SRD5A2: variants seen among roughly 807,000 people sequenced by gnomAD.
SRD5A2 encodes the protein steroid 5 alpha-reductase 2.
Under a neutral mutation model 27.4 loss-of-function variants are expected in SRD5A2, and 30 were observed. The observed-to-expected ratio is 1.10, with a 90% CI of 0.82 to 1.49. SRD5A2 has a LOEUF of 1.49. Among genes scored for constraint, SRD5A2 ranks in the 40% most tolerant of loss-of-function variants. The probability of loss-of-function intolerance (pLI) is 0.00; values close to 1 mark genes in which losing one functional copy is unlikely to be tolerated. For synonymous variants in SRD5A2, 141 were observed against 133.6 expected (o/e 1.06, Z -0.38); for missense variants, 348 against 323.4 (o/e 1.08, Z -0.58).
In SRD5A2 at chr2:31,523,092, G is replaced by A. The variant is rs1387222475; in HGVS notation, c.*3104C>T. The A allele has an allele frequency of 9.2e-6, 2 of 217,682 alleles. No homozygotes were observed. Among genetic ancestry groups the A allele is most frequent in the Non-Finnish European group, 1.8e-5 (2 of 108,342 alleles). 13.5% of individuals were successfully genotyped at this position (217,682 alleles called of 1,614,324 possible). On this transcript the variant is annotated 3_prime_UTR_variant, in exon 5 of 5. Coordinates refer to ENST00000622030, the MANE Select transcript of SRD5A2 (RefSeq NM_000348.4). ...CCTTTTAGAATACAGTGGAGCCACT[G>A]TTGTTCTTTATGAAAGTAAGCATTA...
intron 1 of SRD5A2, among the ~76,000 whole-genome samples, chr2:31,568,825 C>T (rs751732820): frequency 2.0e-5 from 3 of 152,222 alleles, no homozygotes; most frequent in Non-Finnish European, 4.4e-5. Context: ...TCATCAGCAC[C>T]CAAAGTCTGG....
At chr2:31,570,147 T>C (rs145492050) in intron 1 of SRD5A2, among the ~76,000 whole-genome samples, 160 of 152,140 alleles carry the variant, frequency 1.1e-3, no homozygotes, top group African/African-American at 3.8e-3. Context: ...CTGGCAAACT[T>C]AATCTGGTAG....
chr2:31,629,623 T>C, the SRD5A2 span, among the ~76,000 whole-genome samples: 2 of 152,156 alleles, frequency 1.3e-5, no homozygotes, highest in Middle Eastern at 3.4e-3. Context: ...GCTTCCACTT[T>C]CAATTTTCCT....
At chr2:31,530,484 G>C (rs1159395803) in intron 3 of SRD5A2, among the ~76,000 whole-genome samples, 1 of 152,116 alleles carries the variant, frequency 6.6e-6, no homozygotes, top group Admixed American at 6.5e-5. Context: ...ACAGTAAACG[G>C]CACATCTTAA....
the SRD5A2 span, among the ~76,000 whole-genome samples, chr2:31,660,307 G>A: frequency 6.6e-6 from 1 of 152,026 alleles, no homozygotes; most frequent in African/African-American, 2.4e-5. Flanking sequence ...TAGCTGGTGG[G>A]AATGCACTCT....
At chr2:31,558,315 G>A (rs574254912) in intron 1 of SRD5A2, among the ~76,000 whole-genome samples, 2 of 152,176 alleles carry the variant, frequency 1.3e-5, no homozygotes, top group African/African-American at 4.8e-5. Context: ...TTCCTAGGCT[G>A]CCATAACAAA....
chr2:31,602,441 A>G, the SRD5A2 span, among the ~76,000 whole-genome samples: 104 of 152,288 alleles, frequency 6.8e-4, 1 homozygote, highest in South Asian at 0.02. Flanking sequence ...TTCCACGCTC[A>G]TGGATAGGAA....
Position 31,526,258 on chromosome 2 carries a change from A to G in SRD5A2, c.703T>C (p.Tyr235His). Residue 235 changes from tyrosine (Y) to histidine (H), a missense_variant, in exon 5 of 5, where the codon TAC becomes CAC. Coordinates refer to ENST00000622030, the MANE Select transcript of SRD5A2 (RefSeq NM_000348.4). ...GLRAFHHHRF[Y>H]LKMFEDYPKS... The stretch of plus-strand genomic sequence containing the variant: ...GGGTAGTCCTCAAACATCTTGAGGT[A>G]GAACCTAAAAGACAAGAAAGGAATA... 1 of 1,571,548 alleles carries G rather than the reference A, an allele frequency of 6.4e-7. No individual in the cohort carries two copies. Among genetic ancestry groups the G allele is most frequent in the Non-Finnish European group, 8.7e-7 (1 of 1,153,232 alleles).
chr2:31,644,756 A>G, the SRD5A2 span, among the ~76,000 whole-genome samples: 1 of 152,232 alleles, frequency 6.6e-6, no homozygotes, highest in Non-Finnish European at 1.5e-5. Context: ...TTGCATCATC[A>G]TAATCCATAA....
the SRD5A2 span, among the ~76,000 whole-genome samples, chr2:31,590,760 A>C: frequency 3.9e-5 from 6 of 152,186 alleles, no homozygotes; most frequent in South Asian, 2.1e-4. Flanking sequence ...GAACAGAGCC[A>C]TCAGAAATAA....
chr2:31,642,041 G>T, the SRD5A2 span, among the ~76,000 whole-genome samples: 1 of 152,022 alleles, frequency 6.6e-6, no homozygotes, highest in Admixed American at 6.6e-5. Flanking sequence ...TGGTATTGGT[G>T]AAAAGATAGA....
At chr2:31,557,942 C>T (rs548752169) in intron 1 of SRD5A2, among the ~76,000 whole-genome samples, 47 of 152,338 alleles carry the variant, frequency 3.1e-4, no homozygotes, top group African/African-American at 1.1e-3. Flanking sequence ...TCTGATAGGA[C>T]TAGTGCTATC....
At chr2:31,624,332 TTC>T in the SRD5A2 span, among the ~76,000 whole-genome samples, 3 of 152,038 alleles carry the variant, frequency 2.0e-5, no homozygotes, top group Non-Finnish European at 4.4e-5. Flanking sequence ...TACTCATCCT[TTC>T]TGTTTTTTTA....
chr2:31,589,575 T>C, the SRD5A2 span, among the ~76,000 whole-genome samples: 6 of 152,164 alleles, frequency 3.9e-5, no homozygotes, highest in African/African-American at 1.4e-4. Flanking sequence ...GGAGGCCTTG[T>C]GCCGAGGCCT....
chr2:31,625,207 G>T, the SRD5A2 span, among the ~76,000 whole-genome samples: 11 of 152,216 alleles, frequency 7.2e-5, no homozygotes, highest in Admixed American at 7.2e-4. Context: ...TGATGGGGTT[G>T]TTTGATTTTT....
chr2:31,558,630 CTAATCCAG>C (rs780428738), intron 1 of SRD5A2, among the ~76,000 whole-genome samples: 1 of 152,142 alleles, frequency 6.6e-6, no homozygotes, highest in Non-Finnish European at 1.5e-5. Flanking sequence ...TAGAACCTAC[CTAATCCAG>C]TATGACCTCA....
Position 31,580,802 on chromosome 2 carries a change from G to A in SRD5A2, c.99C>T (p.Tyr33=), listed in dbSNP as rs370526755. The A allele has an allele frequency of 1.9e-6, 3 of 1,612,294 alleles. No homozygotes were observed. The highest frequency in any genetic ancestry group is 1.7e-5 in the Admixed American group (1 of 59,986). The change falls in exon 1 of 5, where the codon TAC becomes TAT. Residue 33 remains tyrosine (Y), a synonymous_variant. Transcript: ENST00000622030. ...GCTTCAGGCTCTCCGTGTGCTTCCC[G>A]TAGCCGGAGGGCTTCGCGACGTACA... The part of the protein sequence containing the change: ...LALYVAKPSG[Y]GKHTESLKPA...
chr2:31,622,525 T>C, the SRD5A2 span, among the ~76,000 whole-genome samples: 1 of 152,136 alleles, frequency 6.6e-6, no homozygotes, highest in Non-Finnish European at 1.5e-5. Context: ...CATTCAACTT[T>C]TGAAGCATTG....
intron 1 of SRD5A2, among the ~76,000 whole-genome samples, chr2:31,564,801 A>G (rs1414169371): frequency 6.6e-6 from 1 of 152,006 alleles, no homozygotes; most frequent in Non-Finnish European, 1.5e-5. Flanking sequence ...AGAATTTTCT[A>G]TCTTCGAAAA....
Sources: allele counts gnomAD v4.1 joint callset (sites outside exome capture counted in the v4.1 genomes callset), GRCh38; gene constraint gnomAD v4.1.1; transcripts MANE v1.5; gene names NCBI Gene and HGNC (gene_info 2026-07-23, HGNC 2026-07-21).